The following SLC6A11 variants were observed in gnomAD, a reference collection of about 807,000 sequenced individuals.
SLC6A11 encodes the protein solute carrier family 6 member 11, also known as sodium- and chloride-dependent GABA transporter 3.
Under a neutral mutation model 74.8 loss-of-function variants are expected in SLC6A11, and 25 were observed. The ratio of observed to expected loss-of-function variants is 0.33; its 90% CI spans 0.24 to 0.47. The LOEUF (loss-of-function observed/expected upper bound fraction) is 0.47, where lower values mean the gene tolerates loss of function less well. Among genes scored for constraint, SLC6A11 ranks in the 20% least tolerant of loss-of-function variants. The pLI, the probability that SLC6A11 is intolerant of heterozygous loss-of-function variation, is 1.00. For synonymous variants in SLC6A11, 330 were observed against 330.2 expected (o/e 1.00, Z 0.01); for missense variants, 574 against 837.0 (o/e 0.69, Z 3.88).
intron 6 of SLC6A11, among the ~76,000 whole-genome samples, chr3:10,885,239 A>T (rs933720405): frequency 3.9e-5 from 6 of 152,188 alleles, no homozygotes; most frequent in Admixed American, 3.9e-4. Flanking sequence ...ACGTAGTTGA[A>T]TTACTAGATG....
intron 6 of SLC6A11, among the ~76,000 whole-genome samples, chr3:10,904,477 C>A (rs1695278681): frequency 6.6e-6 from 1 of 152,172 alleles, no homozygotes; most frequent in East Asian, 1.9e-4. Flanking sequence ...GCCAGAACGC[C>A]CCCCATTCAT....
chr3:10,836,068 C>T (rs1279313279), intron 4 of SLC6A11, among the ~76,000 whole-genome samples: 1 of 152,174 alleles, frequency 6.6e-6, no homozygotes, highest in Non-Finnish European at 1.5e-5. Context: ...TTTTTTATCT[C>T]TGTGAATTTG....
intron 8 of SLC6A11, among the ~76,000 whole-genome samples, chr3:10,922,221 A>G (rs1695545680): frequency 6.6e-6 from 1 of 152,216 alleles, no homozygotes; most frequent in South Asian, 2.1e-4. Context: ...ACCATATACT[A>G]TGCCATAAAA....
Position 10,882,356 on chromosome 3 carries a change from C to T in SLC6A11, c.891+7261C>T, listed in dbSNP as rs180911251. ...GACCGGTGCAGTCACAATGAAGGTC[C>T]CAACCACCTTATTTAAAATCTTACC... On this transcript the variant is annotated intron_variant, in intron 6 of 13. Coordinates refer to ENST00000254488, the MANE Select transcript of SLC6A11 (RefSeq NM_014229.3). 4.4e-3 allele frequency among the ~76,000 whole-genome samples: 677 copies of T among 152,210 alleles called. 7 individuals carry two copies. The highest frequency in any genetic ancestry group is 0.031 in the South Asian group (149 of 4,814).
chr3:10,866,862 C>T (rs1039553967), intron 5 of SLC6A11, among the ~76,000 whole-genome samples: 6 of 152,140 alleles, frequency 3.9e-5, no homozygotes, highest in African/African-American at 1.4e-4. Context: ...CCAGGGTGGC[C>T]TTTCTTCTTT....
At chr3:10,894,495 C>A (rs1695146637) in intron 6 of SLC6A11, among the ~76,000 whole-genome samples, 1 of 152,220 alleles carries the variant, frequency 6.6e-6, no homozygotes, top group Non-Finnish European at 1.5e-5. Context: ...AAGATGATGG[C>A]AGTCCACTGG....
intron 5 of SLC6A11, among the ~76,000 whole-genome samples, chr3:10,854,578 C>T (rs1237718221): frequency 6.6e-6 from 1 of 152,164 alleles, no homozygotes; most frequent in Non-Finnish European, 1.5e-5. Context: ...TGTTAATTTT[C>T]CCAGCAGCCT....
In SLC6A11 at chr3:10,816,531, T is replaced by C. The variant is rs1476919453; in HGVS notation, c.256+10T>C. Reference sequence around the variant, plus strand: ...TACAAGAACGGAGGAGGTGAGGTGATAGTGAGGAGAAGGGGAGGGGGCGCC... The same window carrying C: ...TACAAGAACGGAGGAGGTGAGGTGACAGTGAGGAGAAGGGGAGGGGGCGCC... On this transcript the variant is annotated intron_variant, in intron 1 of 13. Coordinates refer to ENST00000254488, the MANE Select transcript of SLC6A11 (RefSeq NM_014229.3). This position sits in a 1 kb window ranked among gnomAD's most constrained non-coding sequence, Gnocchi z 4.2. 9 of 1,591,794 alleles carry C rather than the reference T, an allele frequency of 5.7e-6. No homozygotes were observed. Among genetic ancestry groups the C allele is most frequent in the Non-Finnish European group, 7.7e-6 (9 of 1,169,348 alleles).
chr3:10,890,568 A>G (rs1165151207), intron 6 of SLC6A11, among the ~76,000 whole-genome samples: 1 of 152,244 alleles, frequency 6.6e-6, no homozygotes, highest in African/African-American at 2.4e-5. Context: ...CTTTCTGAAT[A>G]AGAAAAAATA....
intron 5 of SLC6A11, among the ~76,000 whole-genome samples, chr3:10,860,046 C>G (rs1190872034): frequency 6.6e-6 from 1 of 152,122 alleles, no homozygotes; most frequent in Non-Finnish European, 1.5e-5. Context: ...GTTCTTGGAT[C>G]CATAAAGTAA....
chr3:10,879,443 T>C (rs781775568), intron 6 of SLC6A11, among the ~76,000 whole-genome samples: 1 of 152,126 alleles, frequency 6.6e-6, no homozygotes, highest in African/African-American at 2.4e-5. Flanking sequence ...ACCCAGCCCA[T>C]GAAGAAGCAA....
chr3:10,819,542 C>T lies in SLC6A11; in HGVS notation c.334C>T (p.Gln112Ter). The change falls in exon 2 of 14, where the codon CAG becomes TAG. Residue 112 changes from glutamine (Q) to a stop codon, truncating the protein, a stop_gained. Transcript: ENST00000254488. LOFTEE classifies it high-confidence loss of function. ...PVFFLETALGQFTSEGGITCW... is the reference protein window; with the variant it reads ...PVFFLETALG ...TTTTTTCCTGGAGACAGCTCTGGGGCAGTTCACAAGTGAAGGTGGCATTAC... is the reference window on the plus strand; with the variant it reads ...TTTTTTCCTGGAGACAGCTCTGGGGTAGTTCACAAGTGAAGGTGGCATTAC... 1.2e-6 allele frequency: 2 copies of T among 1,614,036 alleles called. No homozygotes were observed. Among genetic ancestry groups the T allele is most frequent in the Non-Finnish European group, 1.7e-6 (2 of 1,179,988 alleles).
At chr3:10,882,263 A>G (rs1694990346) in intron 6 of SLC6A11, among the ~76,000 whole-genome samples, 2 of 152,352 alleles carry the variant, frequency 1.3e-5, no homozygotes, top group Admixed American at 1.3e-4. Flanking sequence ...AGTGGGGAGA[A>G]TAGCTTCTCC....
intron 4 of SLC6A11, among the ~76,000 whole-genome samples, chr3:10,839,226 A>G (rs1329069889): frequency 1.3e-5 from 2 of 151,962 alleles, no homozygotes; most frequent in African/African-American, 4.8e-5. Context: ...GGATCAAACA[A>G]CCCTTGTACC....
At chr3:10,857,754 T>A (rs1159725714) in intron 5 of SLC6A11, among the ~76,000 whole-genome samples, 1 of 152,226 alleles carries the variant, frequency 6.6e-6, no homozygotes, top group Non-Finnish European at 1.5e-5. Context: ...ACAAGGATTT[T>A]GTAACATGGC....
At chr3:10,871,882 G>A (rs965822274) in intron 5 of SLC6A11, among the ~76,000 whole-genome samples, 2 of 152,176 alleles carry the variant, frequency 1.3e-5, no homozygotes, top group Non-Finnish European at 2.9e-5. Flanking sequence ...AGTGGGCTGG[G>A]GAGGTTACCA....
intron 9 of SLC6A11, among the ~76,000 whole-genome samples, chr3:10,927,056 CCTT>C (rs1337751823): frequency 2.6e-5 from 4 of 152,236 alleles, no homozygotes; most frequent in African/African-American, 4.8e-5. Context: ...TCACCCATGA[CCTT>C]CTGCCAGTTG....
intron 10 of SLC6A11, among the ~76,000 whole-genome samples, chr3:10,929,553 C>CGCG (rs1053664597): frequency 6.6e-6 from 1 of 152,134 alleles, no homozygotes; most frequent in African/African-American, 2.4e-5. Context: ...AGCTAAAGGC[C>CGCG]GCGGCTGTTA....
intron 5 of SLC6A11, among the ~76,000 whole-genome samples, chr3:10,865,429 C>T (rs969241449): frequency 9.2e-5 from 14 of 152,110 alleles, no homozygotes; most frequent in Admixed American, 3.3e-4. Flanking sequence ...TTTGGGAGGC[C>T]GAGGTGGGTG....
Sources: gnomAD v4.1 joint callset for allele counts (sites outside exome capture counted in the v4.1 genomes callset) on GRCh38, gnomAD v4.1.1 for gene constraint, Gnocchi (gnomAD v3.1) non-coding constraint, MANE v1.5 for transcripts, NCBI Gene and HGNC (gene_info 2026-07-23, HGNC 2026-07-21) for gene names.